LAMA2: variants seen among roughly 807,000 people sequenced by gnomAD.
The protein encoded by LAMA2 is laminin subunit alpha-2.
LAMA2 carries 269 observed loss-of-function variants against 364.8 expected under a neutral mutation model. The observed-to-expected ratio is 0.74, with a 90% CI of 0.67 to 0.82. The LOEUF (loss-of-function observed/expected upper bound fraction) is 0.82. LAMA2 is among the 40% of genes least tolerant of loss of function. The pLI, the probability that LAMA2 is intolerant of heterozygous loss-of-function variation, is 0.00. For missense variants in LAMA2, 3,807 were observed against 3,873.2 expected (o/e 0.98, Z 0.45); for synonymous variants, 1,379 against 1,370.6 (o/e 1.01, Z -0.14).
At chr6:129,352,806 T>C (rs796348241) in intron 31 of LAMA2, among the ~76,000 whole-genome samples, 4 of 152,266 alleles carry the variant, frequency 2.6e-5, no homozygotes, top group African/African-American at 9.6e-5. Flanking sequence ...CAGGAGGCAC[T>C]AAGTTATAAC....
At chr6:129,091,963 A>C (rs1384111253) in intron 3 of LAMA2, among the ~76,000 whole-genome samples, 2 of 152,230 alleles carry the variant, frequency 1.3e-5, no homozygotes, top group Non-Finnish European at 1.5e-5. Context: ...CATTTTTGTT[A>C]CACAGTAAGA....
At chr6:128,918,703 A>G (rs1172139461) in intron 1 of LAMA2, among the ~76,000 whole-genome samples, 1 of 152,210 alleles carries the variant, frequency 6.6e-6, no homozygotes, top group Non-Finnish European at 1.5e-5. Flanking sequence ...TTAAATTTCT[A>G]GTATAAAATT....
In LAMA2 at chr6:129,322,893, A is replaced by G. The variant is rs146598172; in HGVS notation, c.4176+2238A>G. Among the ~76,000 whole-genome samples the G allele has an allele frequency of 3.2e-3, 488 of 152,332 alleles. 4 individuals are homozygous for G. Among genetic ancestry groups the G allele is most frequent in the African/African-American group, 0.011 (465 of 41,578 alleles). On this transcript the variant is annotated intron_variant, in intron 28 of 64. Coordinates refer to ENST00000421865, the MANE Select transcript of LAMA2 (RefSeq NM_000426.4). ...AATTTGAGTCATTTTCCATCATTAT[A>G]TGAAAATGTAAATGAGCACAAATAA... is the stretch of plus-strand genomic sequence containing the variant.
chr6:129,181,206 A>C (rs2115020746), intron 10 of LAMA2, among the ~76,000 whole-genome samples: 1 of 152,230 alleles, frequency 6.6e-6, no homozygotes, highest in African/African-American at 2.4e-5. Flanking sequence ...TAGGAAAAAT[A>C]ATACAGCCTC....
rs567693846 is a variant in LAMA2, at chr6:128,958,962, C to A, written c.112+75605C>A. ...ACAAAGATTGAGCACTCTCATCTGA[C>A]CCTCACACATTTCTGCCTACATCCT... On this transcript the variant is annotated intron_variant, in intron 1 of 64. Transcript: ENST00000421865. 3.3e-5 allele frequency among the ~76,000 whole-genome samples: 5 copies of A among 152,258 alleles called. No homozygotes were observed. In the East Asian group the frequency reaches 9.6e-4, roughly 29 times the overall value.
At chr6:129,118,594 A>G (rs1276516862) in intron 4 of LAMA2, among the ~76,000 whole-genome samples, 2 of 152,264 alleles carry the variant, frequency 1.3e-5, no homozygotes, top group Non-Finnish European at 1.5e-5. Flanking sequence ...ACTTGGAAAG[A>G]CAAGTAGCTT....
At chr6:129,210,958 A>T (rs1783063921) in intron 12 of LAMA2, among the ~76,000 whole-genome samples, 1 of 152,106 alleles carries the variant, frequency 6.6e-6, no homozygotes, top group African/African-American at 2.4e-5. Context: ...TGGTTATAGC[A>T]CATGGCAGAG....
chr6:129,291,671 A>G lies in LAMA2; in HGVS notation c.2807A>G (p.Gln936Arg). The change falls in exon 20 of 65, where the codon CAG becomes CGG. Residue 936 changes from glutamine to arginine, a missense_variant. By Grantham distance (43) the Gln-to-Arg change is conservative (BLOSUM62 1). This residue lies in a region of LAMA2 where 3,333 missense variants were observed against 3,345.7 expected (regional missense o/e 1.00). Coordinates refer to ENST00000421865, the MANE Select transcript of LAMA2 (RefSeq NM_000426.4). ...FSEVCHSQTG[Q>R]CECRANVQGQ... ...GAGGTTTGCCACAGTCAAACTGGAC[A>G]GTGTGAGTGCAGAGCCAACGTTCAG... The G allele has an allele frequency of 6.2e-7, 1 of 1,614,172 alleles. No homozygotes were observed. Among genetic ancestry groups the G allele is most frequent in the Non-Finnish European group, 8.5e-7 (1 of 1,179,998 alleles).
At chr6:129,025,949 C>G (rs1343426520) in intron 1 of LAMA2, among the ~76,000 whole-genome samples, 1 of 152,110 alleles carries the variant, frequency 6.6e-6, no homozygotes, top group East Asian at 1.9e-4. Context: ...TGTGCACAGA[C>G]CTGCACAAAC....
chr6:128,910,681 G>A (rs1777857500), intron 1 of LAMA2, among the ~76,000 whole-genome samples: 1 of 152,204 alleles, frequency 6.6e-6, no homozygotes, highest in Non-Finnish European at 1.5e-5. Context: ...TGTTGGTGAG[G>A]AACTGCGTTC....
intron 1 of LAMA2, among the ~76,000 whole-genome samples, chr6:128,885,653 G>T (rs139814921): frequency 1.1e-3 from 163 of 152,244 alleles, no homozygotes; most frequent in African/African-American, 3.8e-3. Context: ...CTAGGCAAGC[G>T]CTAATTGTGT....
In LAMA2 at chr6:129,439,825, CATATAT is replaced by C. The variant is rs5879948; in HGVS notation, c.6086-972_6086-967del. Among the ~76,000 whole-genome samples the C allele has an allele frequency of 5.7e-4, 70 of 123,694 alleles. 1 individual carries two copies. The highest frequency in any genetic ancestry group is 1.9e-3 in the African/African-American group (52 of 27,990). 81.1% of individuals were successfully genotyped at this position (123,694 alleles called of 152,430 possible). A position where few individuals can be genotyped will look rare whatever the true frequency, so the allele number is the denominator to read the frequency against. On this transcript the variant is annotated intron_variant, in intron 42 of 64. Transcript: ENST00000421865. ...GCTTCATTTGCTTGCATCAATTGGT[CATATAT>C]ATATATATATATATATATCTATCTC...
intron 53 of LAMA2, among the ~76,000 whole-genome samples, chr6:129,476,787 A>G (rs1263248919): frequency 7.0e-6 from 1 of 143,244 alleles, no homozygotes; most frequent in Non-Finnish European, 1.5e-5. Context: ...ACAGTTGGGC[A>G]TGTTCTTTAT....
At chr6:129,352,339 A>G (rs1257455730) in intron 31 of LAMA2, among the ~76,000 whole-genome samples, 1 of 152,166 alleles carries the variant, frequency 6.6e-6, no homozygotes, top group African/African-American at 2.4e-5. Flanking sequence ...CAATTAATGG[A>G]CTGCATTTAG....
At chr6:129,241,791 T>C (rs1451663343) in intron 12 of LAMA2, among the ~76,000 whole-genome samples, 1 of 152,198 alleles carries the variant, frequency 6.6e-6, no homozygotes, top group African/African-American at 2.4e-5. Context: ...CTGTTGATTC[T>C]CCTCTGGAGT....
At chr6:129,414,604 C>A (rs927038799) in intron 40 of LAMA2, among the ~76,000 whole-genome samples, 1 of 152,030 alleles carries the variant, frequency 6.6e-6, no homozygotes, top group African/African-American at 2.4e-5. Context: ...GAAAATCTGT[C>A]CTGCAATAAA....
At chr6:129,281,525 A>T (rs1003286699) in intron 18 of LAMA2, among the ~76,000 whole-genome samples, 1 of 152,140 alleles carries the variant, frequency 6.6e-6, no homozygotes, top group Non-Finnish European at 1.5e-5. Context: ...TTTAACAAAC[A>T]TCTGTTTAGC....
chr6:129,328,374 C>A lies in LAMA2; in HGVS notation c.4273C>A (p.His1425Asn). The part of the protein sequence containing the change: ...GTCVPCQCNG[H>N]SSLCDPETSI... The stretch of plus-strand genomic sequence containing the variant: ...CTGTGTTCCATGTCAATGTAATGGA[C>A]ACAGCAGCCTGTGTGACCCTGAAAC... The change falls in exon 29 of 65, where the codon CAC (histidine) becomes AAC (asparagine). Residue 1425 changes from histidine (H) to asparagine (N), a missense_variant. His to Asn is a moderately conservative substitution (Grantham distance 68). Coordinates refer to ENST00000421865, the MANE Select transcript of LAMA2 (RefSeq NM_000426.4). 1 of 1,614,180 alleles carries A rather than the reference C, an allele frequency of 6.2e-7. No individual in the cohort carries two copies. The highest frequency in any genetic ancestry group is 8.5e-7 in the Non-Finnish European group (1 of 1,180,014).
intron 29 of LAMA2, among the ~76,000 whole-genome samples, chr6:129,335,823 G>T (rs1489349489): frequency 6.6e-6 from 1 of 152,090 alleles, no homozygotes; most frequent in Admixed American, 6.5e-5. Flanking sequence ...TTAGAAGCAG[G>T]TTTCAAATCC....
Sources: allele counts gnomAD v4.1 joint callset (sites outside exome capture counted in the v4.1 genomes callset), GRCh38; gene constraint gnomAD v4.1.1; regional missense constraint gnomAD v4.1.1; transcripts MANE v1.5; gene names NCBI Gene and HGNC (gene_info 2026-07-23, HGNC 2026-07-21).